The following MAP2K5 variants were observed in gnomAD, a reference collection of about 807,000 sequenced individuals.
The protein encoded by MAP2K5 is dual specificity mitogen-activated protein kinase kinase 5.
Under a neutral mutation model 83.1 loss-of-function variants are expected in MAP2K5, and 49 were observed. The observed-to-expected ratio is 0.59, with a 90% CI of 0.47 to 0.75. MAP2K5 has a LOEUF of 0.75. MAP2K5 is among the 30% of genes least tolerant of loss of function. The pLI is 0.00. For missense variants in MAP2K5, 457 were observed against 557.5 expected (o/e 0.82, Z 1.82); for synonymous variants, 202 against 191.8 (o/e 1.05, Z -0.44).
intron 9 of MAP2K5, among the ~76,000 whole-genome samples, chr15:67,645,535 G>A (rs1389142969): frequency 1.3e-5 from 2 of 152,254 alleles, no homozygotes; most frequent in Non-Finnish European, 2.9e-5. Flanking sequence ...ATTGCCTAGT[G>A]TCTGATCACA....
chr15:67,615,356 A>G (rs2086033085), intron 8 of MAP2K5, among the ~76,000 whole-genome samples: 1 of 152,174 alleles, frequency 6.6e-6, no homozygotes, highest in African/African-American at 2.4e-5. Context: ...ATAGGTTTTT[A>G]GGCAGAAAGA....
intron 11 of MAP2K5, among the ~76,000 whole-genome samples, chr15:67,657,007 G>A (rs2087100144): frequency 1.3e-5 from 2 of 152,218 alleles, no homozygotes; most frequent in East Asian, 1.9e-4. Flanking sequence ...ATCTCTAACG[G>A]ACATGAAAAG....
chr15:67,794,638 GAAAAAAAAA>G lies in MAP2K5; in HGVS notation c.1243-11997_1243-11989del, dbSNP rs61493121. 6.0e-5 allele frequency among the ~76,000 whole-genome samples: 7 copies of G among 116,522 alleles called. No homozygotes were observed. The allele number at this position is 116,522 out of a possible 152,430, so 76.4% of individuals were successfully genotyped here. ...CGGGTAACTCTGGAACATCACAGCT[GAAAAAAAAA>G]AAAAAAAAAAGACGGTACTTCATTT... On this transcript the variant is annotated intron_variant, in intron 21 of 21. Transcript: ENST00000178640. The surrounding 1 kb of genome is among the most constrained non-coding windows in gnomAD (Gnocchi z 4.6).
chr15:67,796,974 G>A (rs898643879), intron 21 of MAP2K5, among the ~76,000 whole-genome samples: 26 of 152,268 alleles, frequency 1.7e-4, no homozygotes, highest in African/African-American at 5.5e-4. Context: ...TGTTCACATG[G>A]CGCTGGCCAA....
intron 11 of MAP2K5, among the ~76,000 whole-genome samples, chr15:67,653,024 T>C (rs959802744): frequency 3.3e-5 from 5 of 152,222 alleles, no homozygotes; most frequent in African/African-American, 1.2e-4. Context: ...CAACTCAATC[T>C]CTTTATATAC....
At chr15:67,693,477 A>G (rs1292618934) in intron 14 of MAP2K5, 41 bp from the exon 15 acceptor site, 1 of 1,502,982 alleles carries the variant, frequency 6.7e-7, no homozygotes, top group Non-Finnish European at 9.2e-7. Flanking sequence ...TTATTTCCAC[A>G]TTATCTTTAT....
chr15:67,566,910 C>G (rs1428091710), intron 3 of MAP2K5, among the ~76,000 whole-genome samples: 1 of 152,196 alleles, frequency 6.6e-6, no homozygotes, highest in African/African-American at 2.4e-5. Flanking sequence ...ACATGTGACA[C>G]GTGGAATATT....
At chr15:67,706,667 G>A (rs1302045691) in intron 16 of MAP2K5, among the ~76,000 whole-genome samples, 1 of 152,100 alleles carries the variant, frequency 6.6e-6, no homozygotes, top group Admixed American at 6.5e-5. Flanking sequence ...CCTTCAGAAG[G>A]AACTATAGGA....
chr15:67,691,581 C>A (rs1167960215), intron 13 of MAP2K5, among the ~76,000 whole-genome samples: 1 of 152,168 alleles, frequency 6.6e-6, no homozygotes, highest in African/African-American at 2.4e-5. Flanking sequence ...TTAAATATAA[C>A]CAGTTGTCTC....
chr15:67,715,656 A>G lies in MAP2K5; in HGVS notation c.1044+12248A>G, dbSNP rs374085218. Among the ~76,000 whole-genome samples, 3 of 152,356 alleles carry G rather than the reference A, an allele frequency of 2.0e-5. No individual in the cohort carries two copies. The East Asian group carries it at 5.8e-4, about 29-fold the overall frequency. ...CAGAATTTGAAATTTAAAAAAAAGCAAAGTCTTGATATGAAGAATAAAGAA... is the reference window on the plus strand; with the variant it reads ...CAGAATTTGAAATTTAAAAAAAAGCGAAGTCTTGATATGAAGAATAAAGAA... On this transcript the variant is annotated intron_variant, in intron 16 of 21. Coordinates refer to ENST00000178640, the MANE Select transcript of MAP2K5 (RefSeq NM_145160.3).
In MAP2K5 at chr15:67,651,569, A is replaced by G. The variant is rs532621853; in HGVS notation, c.736+5100A>G. Among the ~76,000 whole-genome samples the G allele has an allele frequency of 8.5e-5, 13 of 152,178 alleles. No individual in the cohort carries two copies. The South Asian group carries it at 2.5e-3, about 29-fold the overall frequency. On this transcript the variant is annotated intron_variant, in intron 11 of 21. Transcript: ENST00000178640. ...AGTCTCTGGTAATCATCACTCTACT[A>G]TGTCTCCATAATCATTTGTTTTTGG... is the stretch of plus-strand genomic sequence containing the variant.
intron 7 of MAP2K5, among the ~76,000 whole-genome samples, chr15:67,593,606 G>C (rs1427703590): frequency 6.6e-6 from 1 of 152,164 alleles, no homozygotes; most frequent in African/African-American, 2.4e-5. Flanking sequence ...CTACCTACAG[G>C]GTCCTCGATT....
intron 8 of MAP2K5, among the ~76,000 whole-genome samples, chr15:67,610,000 A>T (rs1490254570): frequency 6.6e-6 from 1 of 151,962 alleles, no homozygotes; most frequent in Non-Finnish European, 1.5e-5. Flanking sequence ...AAGGTATGTT[A>T]CCCTCTTTTT....
Position 67,630,944 on chromosome 15 carries a change from T to C in MAP2K5, c.585+17T>C. On this transcript the variant is annotated intron_variant, in intron 9 of 21. Coordinates refer to ENST00000178640, the MANE Select transcript of MAP2K5 (RefSeq NM_145160.3). ...GCTGTAAAGGTAAGTACTGGATACA[T>C]TTTATGAAATTCTTGATGTTCACCT... 6.3e-7 allele frequency: 1 copy of C among 1,581,800 alleles called. No homozygotes were observed. The highest frequency in any genetic ancestry group is 8.7e-7 in the Non-Finnish European group (1 of 1,154,712).
At chr15:67,576,767 T>C (rs1369803077) in intron 3 of MAP2K5, among the ~76,000 whole-genome samples, 1 of 147,664 alleles carries the variant, frequency 6.8e-6, no homozygotes, top group Non-Finnish European at 1.5e-5. Context: ...TTTTAAATGC[T>C]GCAACACTTC....
intron 13 of MAP2K5, among the ~76,000 whole-genome samples, chr15:67,686,603 AAATAATAATAAT>A (rs57116318): frequency 0.54 from 79,466 of 148,180 alleles, 21,999 homozygotes; most frequent in Non-Finnish European, 0.59. Flanking sequence ...ACTGTGTCTC[AAATAATAATAAT>A]AATAATAATA....
In MAP2K5 at chr15:67,722,178, C is replaced by T. The variant is rs546842305; in HGVS notation, c.1045-5738C>T. ...ACTTCATCAGTCTCTGTTACTCGCACTTATGCCCCTCCACAGGGGTTGCAG... is the reference window on the plus strand; with the variant it reads ...ACTTCATCAGTCTCTGTTACTCGCATTTATGCCCCTCCACAGGGGTTGCAG... On this transcript the variant is annotated intron_variant, in intron 16 of 21. Transcript: ENST00000178640. The surrounding 1 kb of genome is among the most constrained non-coding windows in gnomAD (Gnocchi z 4.2). 2.1e-4 allele frequency among the ~76,000 whole-genome samples: 32 copies of T among 152,272 alleles called. No homozygotes were observed. Among genetic ancestry groups the T allele is most frequent in the African/African-American group, 7.5e-4 (31 of 41,542 alleles).
chr15:67,652,308 T>C lies in MAP2K5; in HGVS notation c.736+5839T>C, dbSNP rs2086971741. Among the ~76,000 whole-genome samples the C allele has an allele frequency of 6.6e-6, 1 of 152,200 alleles. No individual in the cohort carries two copies. The highest frequency in any genetic ancestry group is 2.1e-4 in the South Asian group (1 of 4,826). On this transcript the variant is annotated intron_variant, in intron 11 of 21. Coordinates refer to ENST00000178640, the MANE Select transcript of MAP2K5 (RefSeq NM_145160.3). The surrounding 1 kb of genome is among the most constrained non-coding windows in gnomAD (Gnocchi z 4.2). The stretch of plus-strand genomic sequence containing the variant: ...ATGATATTAGTCCATCTTGTGTTGC[T>C]ATAAAGGAATACCTGAGACTGGGTA...
rs35510441 is a variant in MAP2K5, at chr15:67,650,515, G to GTTT, written c.736+4058_736+4060dup. The stretch of plus-strand genomic sequence containing the variant: ...TTCCTTTCTATTTCTAGTTTGTTGA[G>GTTT]TTTTTTTTTTTTTTAATTATGAAAG... On this transcript the variant is annotated intron_variant, in intron 11 of 21. Transcript: ENST00000178640. Among the ~76,000 whole-genome samples, 557 of 144,906 alleles carry GTTT rather than the reference G, an allele frequency of 3.8e-3. 4 individuals carry two copies. The highest frequency in any genetic ancestry group is 0.011 in the Middle Eastern group (3 of 284).
Sources: allele counts gnomAD v4.1 joint callset (sites outside exome capture counted in the v4.1 genomes callset), GRCh38; gene constraint gnomAD v4.1.1; non-coding constraint Gnocchi (gnomAD v3.1); transcripts MANE v1.5; gene names NCBI Gene and HGNC (gene_info 2026-07-23, HGNC 2026-07-21).